Variants in POC1B observed in about 807,000 individuals in gnomAD.
POC1B encodes the protein POC1 centriolar protein B.
In POC1B, 44 loss-of-function variants were observed where a neutral mutation model predicts 60.6. The ratio of observed to expected loss-of-function variants is 0.73; its 90% CI spans 0.57 to 0.93. The LOEUF is 0.93. POC1B is among the 40% of genes least tolerant of loss of function. The probability of loss-of-function intolerance (pLI) is 0.00; values close to 1 mark genes in which losing one functional copy is unlikely to be tolerated. For synonymous variants in POC1B, 180 were observed against 198.9 expected, an observed-to-expected ratio of 0.90 and a Z score of 0.80; for missense variants, 555 against 572.3, an observed-to-expected ratio of 0.97 and a Z score of 0.31.
chr12:89,406,790 T>C, the POC1B span, among the ~76,000 whole-genome samples: 116 of 151,870 alleles, frequency 7.6e-4, no homozygotes, highest in Non-Finnish European at 1.4e-3. Flanking sequence ...CGATACGTAA[T>C]AATATAATAT....
the POC1B span, among the ~76,000 whole-genome samples, chr12:89,404,824 T>C: frequency 6.6e-6 from 1 of 152,222 alleles, no homozygotes; most frequent in East Asian, 1.9e-4. Context: ...CTAATAGTTC[T>C]TACCTTCTCT....
At chr12:89,411,190 A>G in the POC1B span, among the ~76,000 whole-genome samples, 3 of 152,242 alleles carry the variant, frequency 2.0e-5, no homozygotes, top group Admixed American at 6.5e-5. Context: ...CAATGGCCAT[A>G]CTGCCTAAAG....
chr12:89,410,724 C>T, the POC1B span, among the ~76,000 whole-genome samples: 3 of 151,754 alleles, frequency 2.0e-5, no homozygotes, highest in Non-Finnish European at 4.4e-5. Flanking sequence ...GACAAGGATC[C>T]CTCTCTCACC....
At chr12:89,451,523 T>C (rs1882039549) in intron 10 of POC1B, among the ~76,000 whole-genome samples, 1 of 152,098 alleles carries the variant, frequency 6.6e-6, no homozygotes, top group Non-Finnish European at 1.5e-5. Flanking sequence ...TATTTATGTT[T>C]CAGGATATAT....
chr12:89,417,381 A>G (rs956618363), downstream of POC1B, among the ~76,000 whole-genome samples: 1 of 152,102 alleles, frequency 6.6e-6, no homozygotes, highest in African/African-American at 2.4e-5. Context: ...AACCAATCCA[A>G]ATATTTTCTG....
chr12:89,457,215 T>C (rs1326004090), intron 10 of POC1B, among the ~76,000 whole-genome samples: 1 of 152,232 alleles, frequency 6.6e-6, no homozygotes, highest in Non-Finnish European at 1.5e-5. Flanking sequence ...AAATCCCCTT[T>C]ACAATTATGT....
intron 4 of POC1B, among the ~76,000 whole-genome samples, chr12:89,476,751 T>TAGACAGACAGACAGACAGACAGAC (rs765507189): frequency 2.9e-5 from 3 of 104,944 alleles, no homozygotes; most frequent in African/African-American, 1.0e-4. Flanking sequence ...GATAGATAGA[T>TAGACAGACAGACAGACAGACAGAC]AGATAGATAG....
chr12:89,432,109 C>A (rs527695426), intron 10 of POC1B, among the ~76,000 whole-genome samples: 74 of 152,190 alleles, frequency 4.9e-4, no homozygotes, highest in African/African-American at 1.7e-3. Flanking sequence ...CTTGGCCGGG[C>A]ATGGTGGCTC....
chr12:89,453,801 T>C (rs753239145), intron 10 of POC1B, among the ~76,000 whole-genome samples: 1 of 152,214 alleles, frequency 6.6e-6, no homozygotes, highest in Non-Finnish European at 1.5e-5. Flanking sequence ...GTAACCAGGA[T>C]GAACTGTTGC....
chr12:89,433,843 T>C (rs973357783), intron 10 of POC1B, among the ~76,000 whole-genome samples: 6 of 152,150 alleles, frequency 3.9e-5, no homozygotes, highest in African/African-American at 1.4e-4. Flanking sequence ...TTTCTTAAGA[T>C]CAAAAGCCAA....
rs139319868 is a variant in POC1B at position 89,479,064 on chromosome 12, T to G, written c.453-6789A>C. ...TTCAAATGATGTTTTCTTCATCATATGTTTAAAAGTTGAGAAATACAGAAA... is the reference window on the plus strand; with the variant it reads ...TTCAAATGATGTTTTCTTCATCATAGGTTTAAAAGTTGAGAAATACAGAAA... On this transcript the variant is annotated intron_variant, in intron 4 of 11. Transcript: ENST00000313546. Among the ~76,000 whole-genome samples the G allele has an allele frequency of 2.9e-3, 447 of 152,352 alleles. 3 individuals carry two copies. Among genetic ancestry groups the G allele is most frequent in the African/African-American group, 0.011 (439 of 41,594 alleles).
chr12:89,411,685 T>A, the POC1B span, among the ~76,000 whole-genome samples: 1 of 152,212 alleles, frequency 6.6e-6, no homozygotes, highest in Admixed American at 6.5e-5. Context: ...CCCGCCTCAA[T>A]GTTGCATCTT....
intron 11 of POC1B, among the ~76,000 whole-genome samples, chr12:89,423,452 A>G (rs1470636063): frequency 6.6e-6 from 1 of 152,174 alleles, no homozygotes; most frequent in Non-Finnish European, 1.5e-5. Flanking sequence ...AGACACTTTT[A>G]TACATTATCA....
At chr12:89,497,837 T>A (rs1188753146) in intron 2 of POC1B, among the ~76,000 whole-genome samples, 1 of 152,256 alleles carries the variant, frequency 6.6e-6, no homozygotes, top group Non-Finnish European at 1.5e-5. Context: ...ATATGCCTTT[T>A]ACCCAAATCT....
chr12:89,411,916 T>C, the POC1B span, among the ~76,000 whole-genome samples: 1 of 152,228 alleles, frequency 6.6e-6, no homozygotes, highest in Non-Finnish European at 1.5e-5. Context: ...ACCTTGATAT[T>C]CAATCCAGGT....
chr12:89,477,234 A>AT (rs976083049), intron 4 of POC1B, among the ~76,000 whole-genome samples: 3 of 152,020 alleles, frequency 2.0e-5, no homozygotes, highest in East Asian at 3.9e-4. Flanking sequence ...CAAAACATTT[A>AT]TTTTTTTTAA....
At chr12:89,453,272 A>G (rs1476647085) in intron 10 of POC1B, among the ~76,000 whole-genome samples, 1 of 152,194 alleles carries the variant, frequency 6.6e-6, no homozygotes, top group Non-Finnish European at 1.5e-5. Flanking sequence ...TAACTTCTTG[A>G]GTTACCGAAT....
chr12:89,457,959 C>T (rs1046626109), intron 10 of POC1B, among the ~76,000 whole-genome samples: 2 of 152,198 alleles, frequency 1.3e-5, no homozygotes, highest in African/African-American at 4.8e-5. Context: ...ATCTATACTA[C>T]AAGGGACATC....
chr12:89,417,993 C>T (rs553669750), downstream of POC1B, among the ~76,000 whole-genome samples: 3 of 152,150 alleles, frequency 2.0e-5, no homozygotes, highest in Admixed American at 6.5e-5. Context: ...AACTGGAAAC[C>T]GTTCTCAGCT....
Sources: allele counts gnomAD v4.1 joint callset (sites outside exome capture counted in the v4.1 genomes callset), GRCh38; gene constraint gnomAD v4.1.1; transcripts MANE v1.5; gene names NCBI Gene and HGNC (gene_info 2026-07-23, HGNC 2026-07-21).